The following LYPLA1 variants were observed in gnomAD, a reference collection of about 807,000 sequenced individuals.
LYPLA1 encodes the protein acyl-protein thioesterase 1.
In LYPLA1, 17 loss-of-function variants were observed where a neutral mutation model predicts 34.0. That is an observed-to-expected ratio of 0.50 (90% confidence interval 0.34 to 0.75). The LOEUF (loss-of-function observed/expected upper bound fraction) is 0.75, where lower values mean the gene tolerates loss of function less well. Among genes scored for constraint, LYPLA1 ranks in the 30% least tolerant of loss-of-function variants. The probability of loss-of-function intolerance (pLI) is 0.01; values close to 1 mark genes in which losing one functional copy is unlikely to be tolerated. For synonymous variants in LYPLA1, 98 were observed against 100.8 expected, an observed-to-expected ratio of 0.97 and a Z score of 0.17; for missense variants, 203 against 288.8, an observed-to-expected ratio of 0.70 and a Z score of 2.15.
At chr8:54,097,542 T>C (rs1809783947) in intron 2 of LYPLA1, among the ~76,000 whole-genome samples, 1 of 152,248 alleles carries the variant, frequency 6.6e-6, no homozygotes, top group Non-Finnish European at 1.5e-5. Context: ...CATAATATAT[T>C]AGATAATACT....
intron 6 of LYPLA1, chr8:54,054,797 G>A: frequency 3.0e-6 from 1 of 334,552 alleles, no homozygotes; most frequent in Non-Finnish European, 5.3e-6. Flanking sequence ...GGGGACTCAT[G>A]CCTGTGTTAT....
At chr8:54,078,285 T>C (rs1808054192) in intron 2 of LYPLA1, among the ~76,000 whole-genome samples, 1 of 152,108 alleles carries the variant, frequency 6.6e-6, no homozygotes, top group African/African-American at 2.4e-5. Flanking sequence ...TACTTGACTA[T>C]ATCATAATCC....
At chr8:54,060,689 CTTTTTTTTTTT>C (rs761596145) in intron 5 of LYPLA1, among the ~76,000 whole-genome samples, 9 of 123,484 alleles carry the variant, frequency 7.3e-5, no homozygotes, top group African/African-American at 3.1e-4. Context: ...TTTTTTCTTC[CTTTTTTTTTTT>C]TTTTTTTTTT....
chr8:54,091,803 T>C (rs898195824), intron 2 of LYPLA1, among the ~76,000 whole-genome samples: 3 of 151,630 alleles, frequency 2.0e-5, no homozygotes, highest in Non-Finnish European at 2.9e-5. Flanking sequence ...GAAATGCAAA[T>C]TCTGGCCAGG....
At position 54,059,269 on chromosome 8, in the gene LYPLA1, T is replaced by C. The variant is rs1806427336; in HGVS notation, c.286+2985A>G. Among the ~76,000 whole-genome samples, 2 of 152,130 alleles carry C rather than the reference T, an allele frequency of 1.3e-5. 1 individual carries two copies. Among genetic ancestry groups the C allele is most frequent in the African/African-American group, 4.8e-5 (2 of 41,420 alleles). Reference sequence around the variant, plus strand: ...GTGTTGTTGGTTTGACATTCCCAAATATCTCACATCTTTTGAATGTATTTT... The same window carrying C: ...GTGTTGTTGGTTTGACATTCCCAAACATCTCACATCTTTTGAATGTATTTT... On this transcript the variant is annotated intron_variant, in intron 5 of 8. Transcript: ENST00000316963.
chr8:54,045,161 A>C (rs569034670), downstream of LYPLA1, among the ~76,000 whole-genome samples: 3 of 152,354 alleles, frequency 2.0e-5, no homozygotes, highest in African/African-American at 7.2e-5. Context: ...TGATCAGAGG[A>C]CTATATGCTT....
intron 2 of LYPLA1, chr8:54,100,675 T>C (rs1427779112): frequency 1.6e-5 from 8 of 510,452 alleles, no homozygotes; most frequent in Admixed American, 3.8e-5. Context: ...TAATGAGGAA[T>C]TTGAAATTTT....
At chr8:54,087,657 T>A (rs1288852385) in intron 2 of LYPLA1, among the ~76,000 whole-genome samples, 1 of 152,220 alleles carries the variant, frequency 6.6e-6, no homozygotes, top group Non-Finnish European at 1.5e-5. Flanking sequence ...TAAACAATTC[T>A]TATAAATCAA....
chr8:54,082,184 G>C (rs1387501132), intron 2 of LYPLA1, among the ~76,000 whole-genome samples: 1 of 152,134 alleles, frequency 6.6e-6, no homozygotes, highest in Non-Finnish European at 1.5e-5. Flanking sequence ...AAGTTACAAA[G>C]AATGTCAAAA....
intron 8 of LYPLA1, among the ~76,000 whole-genome samples, chr8:54,048,384 G>A (rs1460590484): frequency 6.6e-6 from 1 of 152,152 alleles, no homozygotes; most frequent in East Asian, 1.9e-4. Flanking sequence ...ACACTGGGGG[G>A]CAGGGAAGTT....
chr8:54,074,270 T>A (rs1381693942), intron 2 of LYPLA1, among the ~76,000 whole-genome samples: 1 of 152,170 alleles, frequency 6.6e-6, no homozygotes, highest in African/African-American at 2.4e-5. Context: ...CCTTTAATAG[T>A]CATAGATTAA....
At chr8:54,086,437 T>C (rs1026598413) in intron 2 of LYPLA1, among the ~76,000 whole-genome samples, 1 of 32,732 alleles carries the variant, frequency 3.1e-5, no homozygotes, top group Non-Finnish European at 5.2e-5. Context: ...ACTAAAAAAA[T>C]TAAAAAAAAA....
intron 7 of LYPLA1, among the ~76,000 whole-genome samples, chr8:54,051,716 TG>T (rs1452178137): frequency 1.3e-5 from 2 of 152,234 alleles, no homozygotes; most frequent in Non-Finnish European, 2.9e-5. Flanking sequence ...CCGAAAGTGC[TG>T]GGATTACAGG....
chr8:54,068,965 C>T (rs977155562), intron 2 of LYPLA1, among the ~76,000 whole-genome samples: 1 of 152,026 alleles, frequency 6.6e-6, no homozygotes, highest in African/African-American at 2.4e-5. Flanking sequence ...TTGCAACTCA[C>T]AAACAAAAAG....
chr8:54,049,309 T>TG (rs1805684493), intron 8 of LYPLA1, among the ~76,000 whole-genome samples: 1 of 152,256 alleles, frequency 6.6e-6, no homozygotes, highest in Non-Finnish European at 1.5e-5. Context: ...TTCTATCAAG[T>TG]GATCGCACCT....
At chr8:54,062,671 C>G (rs765819979) in intron 4 of LYPLA1, among the ~76,000 whole-genome samples, 2 of 152,002 alleles carry the variant, frequency 1.3e-5, no homozygotes, top group Non-Finnish European at 2.9e-5. Flanking sequence ...GCCACCACAC[C>G]CGGCTAATTT....
At chr8:54,072,347 C>T (rs1313734670) in intron 2 of LYPLA1, among the ~76,000 whole-genome samples, 1 of 152,080 alleles carries the variant, frequency 6.6e-6, no homozygotes, top group East Asian at 1.9e-4. Context: ...ATGGTGAAGA[C>T]GCCAAAAGCA....
chr8:54,076,298 G>A (rs895647602), intron 2 of LYPLA1, among the ~76,000 whole-genome samples: 1 of 152,208 alleles, frequency 6.6e-6, no homozygotes, highest in African/African-American at 2.4e-5. Context: ...GAACTGGAGT[G>A]CTTAAAGGAG....
At chr8:54,098,267 C>G (rs1809841361) in intron 2 of LYPLA1, among the ~76,000 whole-genome samples, 1 of 151,758 alleles carries the variant, frequency 6.6e-6, no homozygotes. Flanking sequence ...CCTGATAACC[C>G]AGATGGCTAC....
Sources: allele counts gnomAD v4.1 joint callset (sites outside exome capture counted in the v4.1 genomes callset), GRCh38; gene constraint gnomAD v4.1.1; transcripts MANE v1.5; gene names NCBI Gene and HGNC (gene_info 2026-07-23, HGNC 2026-07-21).